Variants in KCNMA1 observed in about 807,000 individuals in gnomAD.
KCNMA1 encodes the protein Calcium-activated potassium channel subunit alpha-1.
KCNMA1 carries 29 observed loss-of-function variants against 140.0 expected under a neutral mutation model. The observed-to-expected ratio is 0.21, with a 90% CI of 0.15 to 0.28. The LOEUF is 0.28. KCNMA1 is among the 10% of genes least tolerant of loss of function. The probability of loss-of-function intolerance (pLI) is 1.00; values close to 1 mark genes in which losing one functional copy is unlikely to be tolerated. For missense variants in KCNMA1, 880 were observed against 1,602.2 expected (o/e 0.55, Z 7.70); for synonymous variants, 612 against 611.9 (o/e 1.00, Z 0.00).
intron 3 of KCNMA1, among the ~76,000 whole-genome samples, chr10:77,219,771 C>G (rs768035281): frequency 1.3e-5 from 2 of 152,156 alleles, no homozygotes; most frequent in African/African-American, 2.4e-5. Flanking sequence ...AGGCACCCAC[C>G]ACCACACCTG....
At chr10:77,048,261 T>A (rs1194094704) in intron 14 of KCNMA1, among the ~76,000 whole-genome samples, 2 of 152,190 alleles carry the variant, frequency 1.3e-5, no homozygotes, top group Non-Finnish European at 2.9e-5. Context: ...CTTACTCTCA[T>A]CTTCTGTACT....
At chr10:77,458,704 G>A (rs1451411379) in intron 1 of KCNMA1, among the ~76,000 whole-genome samples, 1 of 152,210 alleles carries the variant, frequency 6.6e-6, no homozygotes. Flanking sequence ...GGCAGGGTTT[G>A]TTAATGGTCA....
At chr10:77,160,151 G>T (rs1201866500) in intron 5 of KCNMA1, among the ~76,000 whole-genome samples, 1 of 152,148 alleles carries the variant, frequency 6.6e-6, no homozygotes, top group Non-Finnish European at 1.5e-5. Context: ...TGTCAACGGA[G>T]TAAGTCCTGC....
At chr10:77,065,686 T>G (rs948826887) in intron 14 of KCNMA1, among the ~76,000 whole-genome samples, 2 of 152,206 alleles carry the variant, frequency 1.3e-5, no homozygotes, top group African/African-American at 4.8e-5. Context: ...ATTTGTAATG[T>G]ACTCTTTGTT....
At chr10:76,878,310 G>A (rs910746167) in intron 29 of KCNMA1, among the ~76,000 whole-genome samples, 1 of 152,124 alleles carries the variant, frequency 6.6e-6, no homozygotes, top group Non-Finnish European at 1.5e-5. Flanking sequence ...GAACGGAAGG[G>A]CACCATCACC....
Position 76,886,485 on chromosome 10 carries a change from T to C in KCNMA1, c.*781A>G. 1 of 984,794 alleles carries C rather than the reference T, an allele frequency of 1.0e-6. No homozygotes were observed. Among genetic ancestry groups the C allele is most frequent in the African/African-American group, 1.7e-5 (1 of 57,368 alleles). The allele number at this position is 984,794 out of a possible 1,614,324, so 61.0% of individuals were successfully genotyped here. ...AACATAAGGAGACAGAATAACAATT[T>C]AATATGCAATCAAACCTCTTTTCAC... On this transcript the variant is annotated 3_prime_UTR_variant, in exon 28 of 28. Coordinates refer to ENST00000286628, the MANE Select transcript of KCNMA1 (RefSeq NM_001161352.2).
intron 1 of KCNMA1, among the ~76,000 whole-genome samples, chr10:77,617,029 G>T (rs555340980): frequency 1.3e-5 from 2 of 152,152 alleles, no homozygotes; most frequent in Admixed American, 1.3e-4. Context: ...AATGAGAGAC[G>T]TTGCTCATTG....
At chr10:77,388,884 A>G (rs879608648) in intron 2 of KCNMA1, among the ~76,000 whole-genome samples, 7 of 152,180 alleles carry the variant, frequency 4.6e-5, no homozygotes, top group Non-Finnish European at 8.8e-5. Context: ...CTGAGCCCCC[A>G]ACACACAACT....
At chr10:77,261,907 T>A (rs1600411601) in intron 2 of KCNMA1, among the ~76,000 whole-genome samples, 1 of 152,280 alleles carries the variant, frequency 6.6e-6, no homozygotes, top group East Asian at 1.9e-4. Flanking sequence ...CTGACTTAAG[T>A]GCATGTGGGT....
intron 2 of KCNMA1, among the ~76,000 whole-genome samples, chr10:77,346,580 A>G (rs557224323): frequency 2.6e-5 from 4 of 152,328 alleles, no homozygotes; most frequent in Middle Eastern, 3.4e-3. Context: ...TCTTCCCCCA[A>G]TCAGCTAGAA....
At chr10:77,433,965 AG>A (rs1394951484) in intron 1 of KCNMA1, among the ~76,000 whole-genome samples, 1 of 152,236 alleles carries the variant, frequency 6.6e-6, no homozygotes, top group Non-Finnish European at 1.5e-5. Flanking sequence ...AATTCCATCA[AG>A]CCACAGCCAA....
chr10:77,088,839 G>A (rs766823694), intron 10 of KCNMA1, among the ~76,000 whole-genome samples: 15 of 152,286 alleles, frequency 9.8e-5, no homozygotes, highest in South Asian at 2.1e-4. Flanking sequence ...AAGCCTGCCC[G>A]GGTAATACCA....
intron 1 of KCNMA1, among the ~76,000 whole-genome samples, chr10:77,528,033 G>C (rs982590313): frequency 1.3e-5 from 2 of 152,288 alleles, no homozygotes; most frequent in Middle Eastern, 6.8e-3. Flanking sequence ...GTGACCTTGG[G>C]TATGATGCTT....
chr10:77,587,846 C>A, intron 1 of KCNMA1: 1 of 985,296 alleles, frequency 1.0e-6, no homozygotes, highest in Non-Finnish European at 1.2e-6. Flanking sequence ...ATCTCACGGC[C>A]CCAGTCTTCA....
intron 3 of KCNMA1, among the ~76,000 whole-genome samples, chr10:77,210,010 C>A (rs1421105185): frequency 6.6e-6 from 1 of 151,790 alleles, no homozygotes; most frequent in Admixed American, 6.6e-5. Flanking sequence ...ACCAATCCTA[C>A]TGCAACTATG....
intron 2 of KCNMA1, chr10:77,373,616 A>G (rs2094891188): frequency 6.6e-6 from 1 of 152,082 alleles, no homozygotes; most frequent in South Asian, 2.1e-4. Flanking sequence ...ATTTTTTTTA[A>G]CGAGGAGACA....
chr10:76,893,690 A>C (rs543143631), intron 25 of KCNMA1, among the ~76,000 whole-genome samples: 68 of 152,324 alleles, frequency 4.5e-4, no homozygotes, highest in Middle Eastern at 3.4e-3. Context: ...CAGTAATCTG[A>C]GATCATGCCA....
chr10:77,636,878 G>T, intron 1 of KCNMA1: 2 of 1,424,818 alleles, frequency 1.4e-6, no homozygotes, highest in South Asian at 1.5e-5. Flanking sequence ...GCAGGTGAGC[G>T]GTGCAAAACA....
intron 1 of KCNMA1, among the ~76,000 whole-genome samples, chr10:77,548,876 C>T (rs1603635194): frequency 6.6e-6 from 1 of 152,306 alleles, no homozygotes; most frequent in Non-Finnish European, 1.5e-5. Flanking sequence ...GATATAGTGG[C>T]AATCAAGATG....
Sources: gnomAD v4.1 joint callset for allele counts (sites outside exome capture counted in the v4.1 genomes callset) on GRCh38, gnomAD v4.1.1 for gene constraint, MANE v1.5 for transcripts, NCBI Gene and HGNC (gene_info 2026-07-23, HGNC 2026-07-21) for gene names.